The following HIVEP3 variants were observed in gnomAD, a reference collection of about 807,000 sequenced individuals.
The protein encoded by HIVEP3 is transcription factor HIVEP3.
Under a neutral mutation model 152.8 loss-of-function variants are expected in HIVEP3, and 49 were observed. The observed-to-expected ratio is 0.32, with a 90% CI of 0.26 to 0.41. HIVEP3 has a LOEUF of 0.41. Among genes scored for constraint, HIVEP3 ranks in the 10% least tolerant of loss-of-function variants. The pLI is 1.00. For missense variants in HIVEP3, 2,790 were observed against 3,103.3 expected (o/e 0.90, Z 2.40); for synonymous variants, 1,269 against 1,289.0 (o/e 0.98, Z 0.33).
At chr1:42,005,409 CAT>C (rs1449952540) in intron 1 of HIVEP3, among the ~76,000 whole-genome samples, 3 of 151,994 alleles carry the variant, frequency 2.0e-5, no homozygotes, top group African/African-American at 4.8e-5. Context: ...TATATACACA[CAT>C]ATGTGTATAT....
chr1:41,784,284 A>T, intron 1 of HIVEP3, among the ~76,000 whole-genome samples: 1 of 152,268 alleles, frequency 6.6e-6, no homozygotes, highest in Non-Finnish European at 1.5e-5. Flanking sequence ...GTATGAAAAA[A>T]TAAAGAATGT....
intron 3 of HIVEP3, among the ~76,000 whole-genome samples, chr1:41,617,564 G>A (rs79830615): frequency 0.023 from 3,559 of 152,306 alleles, 154 homozygotes; most frequent in African/African-American, 0.081. Context: ...CTTAAAGTGC[G>A]GCACCGCCTG....
At chr1:41,631,108 G>A (rs954123881) in intron 2 of HIVEP3, among the ~76,000 whole-genome samples, 1 of 152,176 alleles carries the variant, frequency 6.6e-6, no homozygotes, top group African/African-American at 2.4e-5. Context: ...CTAGAAAGCC[G>A]AAGTTGTTTC....
intron 1 of HIVEP3, among the ~76,000 whole-genome samples, chr1:41,786,967 G>A (rs1213067376): frequency 6.6e-6 from 1 of 151,956 alleles, no homozygotes; most frequent in East Asian, 1.9e-4. Flanking sequence ...GGCCAGGATG[G>A]TCTCAAACTC....
At chr1:41,541,723 C>T (rs1302407556) in intron 5 of HIVEP3, among the ~76,000 whole-genome samples, 1 of 152,184 alleles carries the variant, frequency 6.6e-6, no homozygotes, top group Admixed American at 6.5e-5. Context: ...AGCCTCTGTC[C>T]CTTATTAGCT....
At chr1:41,804,754 A>G (rs2124317693) in intron 1 of HIVEP3, among the ~76,000 whole-genome samples, 1 of 152,260 alleles carries the variant, frequency 6.6e-6, no homozygotes, top group African/African-American at 2.4e-5. Flanking sequence ...ATTGTGGCAG[A>G]CTCATGCTGA....
intron 5 of HIVEP3, among the ~76,000 whole-genome samples, chr1:41,537,793 C>T (rs2149066776): frequency 6.6e-6 from 1 of 152,328 alleles, no homozygotes; most frequent in Non-Finnish European, 1.5e-5. Context: ...TCATAACGCT[C>T]AGGCTGGGGG....
chr1:41,949,718 C>T (rs1427311512), intron 1 of HIVEP3, among the ~76,000 whole-genome samples: 2 of 152,128 alleles, frequency 1.3e-5, no homozygotes, highest in Non-Finnish European at 1.5e-5. Context: ...TATCTTTAAC[C>T]TCCTTGTTAA....
intron 1 of HIVEP3, among the ~76,000 whole-genome samples, chr1:41,958,822 T>C (rs553246672): frequency 6.6e-6 from 1 of 152,300 alleles, no homozygotes; most frequent in East Asian, 1.9e-4. Context: ...TGGACAGTCG[T>C]GCAAGGCTTG....
chr1:41,590,104 C>CA (rs1167666103), intron 3 of HIVEP3, among the ~76,000 whole-genome samples: 1 of 152,018 alleles, frequency 6.6e-6, no homozygotes, highest in African/African-American at 2.4e-5. Context: ...TCTTCACTTG[C>CA]AAAAAAATAC....
chr1:41,696,097 C>T (rs1489476191), intron 2 of HIVEP3, among the ~76,000 whole-genome samples: 3 of 152,242 alleles, frequency 2.0e-5, no homozygotes, highest in African/African-American at 7.2e-5. Context: ...TATCAAATGG[C>T]ACTGTATATT....
At position 41,567,125 on chromosome 1, in the gene HIVEP3, C is replaced by T. The variant is rs151239659; in HGVS notation, c.5207+8419G>A. The stretch of plus-strand genomic sequence containing the variant: ...TCCCTGTCCCCAGACCTATTTTTCA[C>T]TTCCCTCCTCCATCCCTTCTCACCC... On this transcript the variant is annotated intron_variant, in intron 5 of 8. Transcript: ENST00000372583. Among the ~76,000 whole-genome samples, 1,443 of 152,278 alleles carry T rather than the reference C, an allele frequency of 9.5e-3. 22 individuals carry two copies. Among genetic ancestry groups the T allele is most frequent in the African/African-American group, 0.033 (1,361 of 41,542 alleles).
At chr1:41,874,735 A>G (rs1369820960) in intron 1 of HIVEP3, among the ~76,000 whole-genome samples, 1 of 152,198 alleles carries the variant, frequency 6.6e-6, no homozygotes, top group Non-Finnish European at 1.5e-5. Context: ...ACTCAGTCCC[A>G]TGGCTGATTT....
intron 1 of HIVEP3, among the ~76,000 whole-genome samples, chr1:41,976,728 CT>C (rs1449039498): frequency 2.0e-5 from 3 of 152,234 alleles, no homozygotes; most frequent in South Asian, 2.1e-4. Flanking sequence ...GAGTGGGCCC[CT>C]AATCCAATAT....
intron 3 of HIVEP3, among the ~76,000 whole-genome samples, chr1:41,624,013 C>T (rs1442723022): frequency 7.1e-6 from 1 of 140,798 alleles, no homozygotes; most frequent in Non-Finnish European, 1.6e-5. Context: ...ATTAAAGCAG[C>T]CCCAGGAGCT....
Position 41,524,722 on chromosome 1 carries a change from G to A in HIVEP3, c.5383+13C>T, listed in dbSNP as rs1178476540. On this transcript the variant is annotated intron_variant, in intron 6 of 8. Coordinates refer to ENST00000372583, the MANE Select transcript of HIVEP3 (RefSeq NM_024503.5). Reference sequence around the variant, plus strand: ...AGCGGGCAGGGGCAGTGCCCCAGCTGACTCTCTCTTACCTTTGGTTTTAAA... The same window carrying A: ...AGCGGGCAGGGGCAGTGCCCCAGCTAACTCTCTCTTACCTTTGGTTTTAAA... 8 of 1,612,560 alleles carry A rather than the reference G, an allele frequency of 5.0e-6. No homozygotes were observed. Among genetic ancestry groups the A allele is most frequent in the Middle Eastern group, 1.8e-4 (1 of 5,410 alleles).
intron 3 of HIVEP3, among the ~76,000 whole-genome samples, chr1:41,609,404 C>T (rs191475972): frequency 1.3e-5 from 2 of 152,342 alleles, no homozygotes; most frequent in Admixed American, 6.5e-5. Context: ...GTCAATGACC[C>T]GACTGCCTAA....
chr1:41,542,751 T>G (rs1157922367), intron 5 of HIVEP3: 1 of 154,330 alleles, frequency 6.5e-6, no homozygotes, highest in Non-Finnish European at 1.4e-5. Flanking sequence ...GCTTCCAAAC[T>G]TTGACACTGA....
chr1:41,968,753 C>T (rs1254689682), intron 1 of HIVEP3, among the ~76,000 whole-genome samples: 1 of 152,238 alleles, frequency 6.6e-6, no homozygotes, highest in Non-Finnish European at 1.5e-5. Flanking sequence ...CAAATAGAAA[C>T]AGAGGAAGTC....
Sources: gnomAD v4.1 joint callset for allele counts (sites outside exome capture counted in the v4.1 genomes callset) on GRCh38, gnomAD v4.1.1 for gene constraint, MANE v1.5 for transcripts, NCBI Gene and HGNC (gene_info 2026-07-23, HGNC 2026-07-21) for gene names.